Variants in CABLES1 observed in about 807,000 individuals in gnomAD.
CABLES1 encodes Cdk5 and Abl enzyme substrate 1.
In CABLES1, 36 loss-of-function variants were observed where a neutral mutation model predicts 57.8. The observed-to-expected ratio is 0.62, with a 90% CI of 0.48 to 0.82. CABLES1 has a LOEUF of 0.82. CABLES1 is among the 40% of genes least tolerant of loss of function. The pLI is 0.00. For missense variants in CABLES1, 767 were observed against 836.6 expected, an observed-to-expected ratio of 0.92 and a Z score of 1.03; for synonymous variants, 374 against 363.0, an observed-to-expected ratio of 1.03 and a Z score of -0.35.
At chr18:23,172,594 A>C (rs1168546784) in intron 1 of CABLES1, among the ~76,000 whole-genome samples, 1 of 152,232 alleles carries the variant, frequency 6.6e-6, no homozygotes, top group Non-Finnish European at 1.5e-5. Flanking sequence ...GTTGTTAAGA[A>C]TATATTATTT....
chr18:23,259,668 G>A lies in CABLES1; in HGVS notation c.*2301G>A, dbSNP rs892430. ...TGAGCTTTTCGGAGGCAAAGGAAGT[G>A]GAGGAGGGTGAGAGATGCAGGTCAC... On this transcript the variant is annotated 3_prime_UTR_variant, in exon 10 of 10. Coordinates refer to ENST00000256925, the MANE Select transcript of CABLES1 (RefSeq NM_001100619.3). 0.48 allele frequency: 73,558 copies of A among 152,090 alleles called. 18,304 individuals carry two copies. Among genetic ancestry groups the A allele is most frequent in the South Asian group, 0.55 (2,667 of 4,816 alleles). The allele number at this position is 152,090 out of a possible 1,614,324, so 9.4% of individuals were successfully genotyped here.
Position 23,202,536 on chromosome 18 carries a change from G to T in CABLES1, c.1010+7996G>T, listed in dbSNP as rs150100701. 7.0e-4 allele frequency among the ~76,000 whole-genome samples: 106 copies of T among 152,312 alleles called. 1 individual carries two copies. The highest frequency in any genetic ancestry group is 2.3e-3 in the African/African-American group (97 of 41,568). On this transcript the variant is annotated intron_variant, in intron 3 of 9. Coordinates refer to ENST00000256925, the MANE Select transcript of CABLES1 (RefSeq NM_001100619.3). Reference sequence around the variant, plus strand: ...CATCTTCACTGAGAACCCTACTTGTGTGCCACAGTGGAGGCTAAACAGAAG... The same window carrying T: ...CATCTTCACTGAGAACCCTACTTGTTTGCCACAGTGGAGGCTAAACAGAAG...
At chr18:23,164,290 C>A (rs4800149) in intron 1 of CABLES1, among the ~76,000 whole-genome samples, 121,325 of 152,156 alleles carry the variant, frequency 0.8, 48,618 homozygotes, top group Middle Eastern at 0.87. Context: ...CATCCGGAGC[C>A]AGTGTGTTAA....
chr18:23,242,298 C>A (rs2047755387), intron 7 of CABLES1, among the ~76,000 whole-genome samples: 2 of 152,032 alleles, frequency 1.3e-5, no homozygotes, highest in Admixed American at 6.6e-5. Flanking sequence ...ATTCCTGGGG[C>A]AGGTGTGCAA....
intron 7 of CABLES1, among the ~76,000 whole-genome samples, chr18:23,241,037 C>A (rs1345290463): frequency 1.3e-5 from 2 of 152,214 alleles, no homozygotes; most frequent in African/African-American, 4.8e-5. Context: ...CCTCCCCATC[C>A]CATTCTTCCC....
chr18:23,212,849 A>C (rs924363511), intron 3 of CABLES1, among the ~76,000 whole-genome samples: 1 of 151,966 alleles, frequency 6.6e-6, no homozygotes, highest in Non-Finnish European at 1.5e-5. Context: ...TGGAAGAATA[A>C]ATAGGAGTTC....
At position 23,212,028 on chromosome 18, in the gene CABLES1, C is replaced by T. The variant is rs554729766; in HGVS notation, c.1011-1949C>T. 3.2e-4 allele frequency among the ~76,000 whole-genome samples: 49 copies of T among 152,370 alleles called. 2 individuals are homozygous for T. The South Asian group carries it at 3.9e-3, about 12-fold the overall frequency. ...GTCCGGGCCCGTGGTATCTGATGAGCAGCATCTCCCTTCAGTAGCATCTCT... is the reference window on the plus strand; with the variant it reads ...GTCCGGGCCCGTGGTATCTGATGAGTAGCATCTCCCTTCAGTAGCATCTCT... On this transcript the variant is annotated intron_variant, in intron 3 of 9. Coordinates refer to ENST00000256925, the MANE Select transcript of CABLES1 (RefSeq NM_001100619.3).
chr18:23,212,211 A>T (rs531136989), intron 3 of CABLES1, among the ~76,000 whole-genome samples: 1 of 152,334 alleles, frequency 6.6e-6, no homozygotes, highest in Non-Finnish European at 1.5e-5. Context: ...CCTGAATCCT[A>T]ACCCAGGCAG....
chr18:23,237,042 T>A (rs2047622931), intron 6 of CABLES1, 100 bp from the exon 7 acceptor site: 2 of 778,530 alleles, frequency 2.6e-6, no homozygotes, highest in African/African-American at 1.7e-5. Context: ...AAAGCCAGCC[T>A]TTCTTCATTC....
chr18:23,138,397 G>C (rs1568039422), intron 1 of CABLES1, among the ~76,000 whole-genome samples: 1 of 152,162 alleles, frequency 6.6e-6, no homozygotes, highest in East Asian at 1.9e-4. Context: ...ACTGGAAGAT[G>C]CTTCTTTACC....
At chr18:23,244,225 C>T (rs1221297072) in intron 7 of CABLES1, among the ~76,000 whole-genome samples, 1 of 152,216 alleles carries the variant, frequency 6.6e-6, no homozygotes, top group East Asian at 1.9e-4. Context: ...TCCAGGAGTC[C>T]TGTAGCACCA....
intron 1 of CABLES1, among the ~76,000 whole-genome samples, chr18:23,166,715 G>A (rs921715027): frequency 2.6e-5 from 4 of 152,146 alleles, no homozygotes; most frequent in African/African-American, 9.7e-5. Context: ...TACATATTTA[G>A]TGTTCTTAAA....
chr18:23,228,022 G>GA (rs1392221287), intron 4 of CABLES1, among the ~76,000 whole-genome samples: 8 of 152,138 alleles, frequency 5.3e-5, no homozygotes, highest in African/African-American at 1.9e-4. Flanking sequence ...ACTCCATTTT[G>GA]GAAGCAGAAA....
intron 3 of CABLES1, among the ~76,000 whole-genome samples, chr18:23,195,128 A>G (rs2047272807): frequency 6.6e-6 from 1 of 152,236 alleles, no homozygotes; most frequent in South Asian, 2.1e-4. Context: ...GTTGAAATTT[A>G]TATGACCGTG....
chr18:23,231,454 G>A (rs537544052), intron 4 of CABLES1, among the ~76,000 whole-genome samples: 1 of 152,328 alleles, frequency 6.6e-6, no homozygotes, highest in South Asian at 2.1e-4. Flanking sequence ...CGTGTCTCCA[G>A]TAGCAGTTGA....
chr18:23,187,229 A>C (rs1568059363), intron 1 of CABLES1, among the ~76,000 whole-genome samples: 2 of 152,218 alleles, frequency 1.3e-5, no homozygotes, highest in East Asian at 3.8e-4. Flanking sequence ...ATTCACTGTT[A>C]GTTAATTGCA....
chr18:23,190,616 G>A (rs1260163090), intron 2 of CABLES1: 1 of 152,206 alleles, frequency 6.6e-6, no homozygotes, highest in Admixed American at 6.5e-5. Flanking sequence ...TAGCACAAAT[G>A]AATGCAGTAA....
chr18:23,164,891 C>G (rs1374891105), intron 1 of CABLES1, among the ~76,000 whole-genome samples: 6 of 152,088 alleles, frequency 3.9e-5, no homozygotes. Flanking sequence ...CCTGCCTCAG[C>G]CTCCTGAGTA....
At chr18:23,177,898 C>T (rs2047136394) in intron 1 of CABLES1, among the ~76,000 whole-genome samples, 2 of 152,192 alleles carry the variant, frequency 1.3e-5, no homozygotes, top group African/African-American at 4.8e-5. Context: ...AGCCACCCTC[C>T]TTGCCCGGCT....
Sources: gnomAD v4.1 joint callset for allele counts (sites outside exome capture counted in the v4.1 genomes callset) on GRCh38, gnomAD v4.1.1 for gene constraint, MANE v1.5 for transcripts, NCBI Gene and HGNC (gene_info 2026-07-23, HGNC 2026-07-21) for gene names.